Variants in CFAP299 observed in about 807,000 individuals in gnomAD.
CFAP299 encodes the protein cilia- and flagella-associated protein 299.
CFAP299 carries 21 observed loss-of-function variants against 27.0 expected under a neutral mutation model. That is an observed-to-expected ratio of 0.78 (90% CI 0.55 to 1.12). The LOEUF is 1.12. Among genes scored for constraint, CFAP299 ranks in the 50% most tolerant of loss-of-function variants. The pLI is 0.00. For missense variants in CFAP299, 310 were observed against 276.6 expected, an observed-to-expected ratio of 1.12 and a Z score of -0.86; for synonymous variants, 104 against 98.1, an observed-to-expected ratio of 1.06 and a Z score of -0.36.
intron 2 of CFAP299, among the ~76,000 whole-genome samples, chr4:80,499,259 AAAAAT>A (rs1259740694): frequency 6.6e-6 from 1 of 152,160 alleles, no homozygotes; most frequent in African/African-American, 2.4e-5. Flanking sequence ...GGAAAAAAGA[AAAAAT>A]AAATATTTGT....
intron 2 of CFAP299, among the ~76,000 whole-genome samples, chr4:80,565,555 A>G (rs536313483): frequency 1.3e-5 from 2 of 152,240 alleles, no homozygotes; most frequent in African/African-American, 4.8e-5. Context: ...TTCATTGTAG[A>G]ATTCTGTGAA....
chr4:80,594,774 C>G (rs535124150), intron 3 of CFAP299, among the ~76,000 whole-genome samples: 1 of 152,100 alleles, frequency 6.6e-6, no homozygotes, highest in Non-Finnish European at 1.5e-5. Context: ...TTGTGTCTAT[C>G]ACATCACAAG....
chr4:80,784,349 G>T (rs1227863463), intron 3 of CFAP299, among the ~76,000 whole-genome samples: 1 of 151,848 alleles, frequency 6.6e-6, no homozygotes, highest in Non-Finnish European at 1.5e-5. Flanking sequence ...TCACACCCTC[G>T]CCAACACTTG....
intron 1 of CFAP299, among the ~76,000 whole-genome samples, chr4:80,362,148 G>A (rs528283040): frequency 1.4e-5 from 2 of 146,700 alleles, no homozygotes; most frequent in East Asian, 2.1e-4. Flanking sequence ...AAATTTTTTT[G>A]TGGTGATCTG....
chr4:80,742,898 A>T (rs1265575752), intron 3 of CFAP299, among the ~76,000 whole-genome samples: 1 of 152,186 alleles, frequency 6.6e-6, no homozygotes, highest in East Asian at 1.9e-4. Flanking sequence ...AGTAGAGACA[A>T]TGTTAGATCT....
intron 2 of CFAP299, among the ~76,000 whole-genome samples, chr4:80,581,750 A>G (rs192061527): frequency 6.6e-6 from 1 of 151,614 alleles, no homozygotes. Flanking sequence ...AAGGTTTGTG[A>G]TAGTCCCTTA....
At position 80,410,846 on chromosome 4, in the gene CFAP299, G is replaced by GT. The variant is rs201026898; in HGVS notation, c.242+47971dup. On this transcript the variant is annotated intron_variant, in intron 2 of 5. Transcript: ENST00000358105. ...AATTCAAACCTTGGCCTGCTTGTCT[G>GT]TTTTTTTTTCTATTCTAGGAAGAAG... 6.4e-4 allele frequency among the ~76,000 whole-genome samples: 97 copies of GT among 150,622 alleles called. No homozygotes were observed. The Middle Eastern group carries it at 0.031, about 48-fold the overall frequency.
At chr4:80,472,504 G>T (rs920782805) in intron 2 of CFAP299, among the ~76,000 whole-genome samples, 1 of 152,208 alleles carries the variant, frequency 6.6e-6, no homozygotes, top group Admixed American at 6.5e-5. Flanking sequence ...GGTATAGTGA[G>T]TGTGAATGAG....
intron 4 of CFAP299, among the ~76,000 whole-genome samples, chr4:80,897,820 C>G (rs1326097372): frequency 2.0e-5 from 3 of 152,196 alleles, no homozygotes; most frequent in Non-Finnish European, 4.4e-5. Flanking sequence ...ATTGATTTCC[C>G]CTGTGAGAGC....
intron 3 of CFAP299, among the ~76,000 whole-genome samples, chr4:80,766,668 C>T (rs185767428): frequency 2.0e-4 from 31 of 152,168 alleles, no homozygotes; most frequent in African/African-American, 5.5e-4. Context: ...CTTTACTATA[C>T]GATACTAGTT....
intron 2 of CFAP299, among the ~76,000 whole-genome samples, chr4:80,404,781 T>A (rs1726331652): frequency 6.6e-6 from 1 of 152,216 alleles, no homozygotes. Flanking sequence ...ATGCTTTCAG[T>A]GTTTTGGATA....
chr4:80,435,667 GCAAA>G (rs1728033148), intron 2 of CFAP299, among the ~76,000 whole-genome samples: 2 of 152,206 alleles, frequency 1.3e-5, no homozygotes, highest in South Asian at 4.1e-4. Context: ...AGAGGGTTGA[GCAAA>G]GGGCTTTGAA....
At position 80,390,728 on chromosome 4, in the gene CFAP299, T is replaced by TATATATGTATATATGTATACACAC. The variant is rs1415273623; in HGVS notation, c.242+27863_242+27864insCACACATATATGTATATATGTATA. Among the ~76,000 whole-genome samples the TATATATGTATATATGTATACACAC allele has an allele frequency of 2.3e-4, 32 of 139,958 alleles. 1 individual carries two copies. The East Asian group carries it at 4.8e-3, about 21-fold the overall frequency. 91.8% of individuals were successfully genotyped at this position (139,958 alleles called of 152,430 possible). On this transcript the variant is annotated intron_variant, in intron 2 of 5. Transcript: ENST00000358105. Reference sequence around the variant, plus strand: ...GTATATATGTATACACACATACATGTATATATGTATATATGTATATATACA... The same window carrying TATATATGTATATATGTATACACAC: ...GTATATATGTATACACACATACATGTATATATGTATATATGTATACACACATATATGTATATATGTATATATACA...
At chr4:80,931,363 AGATGGACCAGTT>A (rs1193196268) in intron 4 of CFAP299, among the ~76,000 whole-genome samples, 1 of 152,148 alleles carries the variant, frequency 6.6e-6, no homozygotes, top group African/African-American at 2.4e-5. Context: ...AGAATTTCTA[AGATGGACCAGTT>A]GAGTGGGAGG....
At chr4:80,637,434 C>A (rs1739505422) in intron 3 of CFAP299, among the ~76,000 whole-genome samples, 1 of 152,154 alleles carries the variant, frequency 6.6e-6, no homozygotes, top group Non-Finnish European at 1.5e-5. Context: ...TGCACAATGG[C>A]AGCATTTGTC....
chr4:80,643,040 T>C (rs972800874), intron 3 of CFAP299, among the ~76,000 whole-genome samples: 18 of 152,060 alleles, frequency 1.2e-4, no homozygotes, highest in African/African-American at 4.3e-4. Context: ...CTGGCGCCTG[T>C]AATCCCAGCA....
intron 3 of CFAP299, among the ~76,000 whole-genome samples, chr4:80,805,054 T>C (rs1234064611): frequency 6.6e-6 from 1 of 152,112 alleles, no homozygotes; most frequent in Non-Finnish European, 1.5e-5. Flanking sequence ...TCTTTGTGGT[T>C]ATCATGGGCA....
At chr4:80,861,630 G>A (rs888848657) in intron 3 of CFAP299, among the ~76,000 whole-genome samples, 58 of 152,074 alleles carry the variant, frequency 3.8e-4, no homozygotes, top group Admixed American at 7.2e-4. Context: ...ACCCACTTGT[G>A]TTTTGCTTAG....
Position 80,869,983 on chromosome 4 carries a change from G to A in CFAP299, c.334-10G>A. The A allele has an allele frequency of 1.2e-6, 2 of 1,604,250 alleles. No individual in the cohort carries two copies. The highest frequency in any genetic ancestry group is 1.7e-6 in the Non-Finnish European group (2 of 1,175,514). ...ATATTTTTGTCTTATTCTCTATTCT[G>A]TGCTACCAGTCCGTGATCTTTATTC... is the stretch of plus-strand genomic sequence containing the variant. On this transcript the variant is annotated splice_polypyrimidine_tract_variant and intron_variant, in intron 3 of 5. Transcript: ENST00000358105.
Sources: allele counts gnomAD v4.1 joint callset (sites outside exome capture counted in the v4.1 genomes callset), GRCh38; gene constraint gnomAD v4.1.1; transcripts MANE v1.5; gene names NCBI Gene and HGNC (gene_info 2026-07-23, HGNC 2026-07-21).